NYAP2: variants seen among roughly 807,000 people sequenced by gnomAD.
The protein encoded by NYAP2 is neuronal tyrosine-phosphorylated phosphoinositide-3-kinase adaptor 2, also known as neuronal tyrosine-phosphorylated phosphoinositide-3-kinase adapter 2.
A neutral mutation model predicts 50.4 loss-of-function variants in NYAP2; 23 were observed. The ratio of observed to expected loss-of-function variants is 0.46; its 90% CI spans 0.33 to 0.65. The LOEUF is 0.65. Among genes scored for constraint, NYAP2 ranks in the 30% least tolerant of loss-of-function variants. The pLI is 0.02. For synonymous variants in NYAP2, 394 were observed against 365.2 expected, an observed-to-expected ratio of 1.08 and a Z score of -0.90; for missense variants, 885 against 861.0, an observed-to-expected ratio of 1.03 and a Z score of -0.35.
rs1491013702 is a variant in NYAP2 at position 225,506,060 on chromosome 2, A to AG, written c.222-7311_222-7310insG. On this transcript the variant is annotated intron_variant, in intron 3 of 6. Transcript: ENST00000636099. ...AGCAATATGGTGGACTGAGAGAGAG[A>AG]AAAAAAAAAGATTCCCTACAGGAAT... is the stretch of plus-strand genomic sequence containing the variant. 4.1e-5 allele frequency among the ~76,000 whole-genome samples: 6 copies of AG among 145,714 alleles called. 1 individual carries two copies. In the South Asian group the frequency reaches 8.4e-4, roughly 20 times the overall value.
intron 5 of NYAP2, among the ~76,000 whole-genome samples, chr2:225,617,950 A>G (rs1480995943): frequency 6.6e-6 from 1 of 152,228 alleles, no homozygotes; most frequent in Non-Finnish European, 1.5e-5. Context: ...GATACTGAGT[A>G]CCAATGTGAA....
intron 5 of NYAP2, among the ~76,000 whole-genome samples, chr2:225,610,354 C>G (rs1692859968): frequency 6.6e-6 from 1 of 152,064 alleles, no homozygotes; most frequent in Non-Finnish European, 1.5e-5. Flanking sequence ...TACCTCGGTT[C>G]TCTCTTCTGG....
At chr2:225,564,462 C>T (rs1691927736) in intron 4 of NYAP2, among the ~76,000 whole-genome samples, 1 of 151,844 alleles carries the variant, frequency 6.6e-6, no homozygotes, top group Non-Finnish European at 1.5e-5. Flanking sequence ...GATCAAGCTA[C>T]TCTGTCCTAG....
At chr2:225,654,165 A>G (rs1032284697), downstream of NYAP2, 7 of 152,252 alleles carry the variant, frequency 4.6e-5, no homozygotes, top group African/African-American at 1.7e-4. Context: ...CATGCAAGAC[A>G]ATGGTGGAAA....
chr2:225,493,554 G>A (rs1471531483), intron 3 of NYAP2, among the ~76,000 whole-genome samples: 2 of 152,104 alleles, frequency 1.3e-5, no homozygotes, highest in Non-Finnish European at 2.9e-5. Flanking sequence ...AGATTTACAA[G>A]GTAACTCAGT....
chr2:225,576,543 T>C (rs1692172789), intron 4 of NYAP2, among the ~76,000 whole-genome samples: 1 of 152,204 alleles, frequency 6.6e-6, no homozygotes, highest in African/African-American at 2.4e-5. Context: ...AAGTGGGAAA[T>C]GTGTCTCTCA....
the NYAP2 span, among the ~76,000 whole-genome samples, chr2:225,660,322 A>G: frequency 1.3e-5 from 2 of 152,154 alleles, no homozygotes; most frequent in African/African-American, 2.4e-5. Flanking sequence ...CCTGCCCCCA[A>G]TACTACTTAC....
Position 225,638,150 on chromosome 2 carries a change from GTGTGTT to G in NYAP2, c.1828+11030_1828+11035del, listed in dbSNP as rs1312467393. Among the ~76,000 whole-genome samples, 1,071 of 108,222 alleles carry G rather than the reference GTGTGTT, an allele frequency of 9.9e-3. 24 individuals are homozygous for G. The highest frequency in any genetic ancestry group is 0.044 in the African/African-American group (1,028 of 23,228). The allele number at this position is 108,222 out of a possible 152,430, so 71.0% of individuals were successfully genotyped here. A position where few individuals can be genotyped will look rare whatever the true frequency, so the allele number is the denominator to read the frequency against. ...ATTAGAGAGAATTTTAAACAGACTCGTGTGTTTGTGTGTGTGTGTGTGTGTGTGTGT... is the reference window on the plus strand; with the variant it reads ...ATTAGAGAGAATTTTAAACAGACTCGTGTGTGTGTGTGTGTGTGTGTGTGT... On this transcript the variant is annotated intron_variant, in intron 6 of 6. Transcript: ENST00000636099.
At chr2:225,486,371 GA>G (rs1690298856) in intron 3 of NYAP2, among the ~76,000 whole-genome samples, 1 of 152,186 alleles carries the variant, frequency 6.6e-6, no homozygotes, top group African/African-American at 2.4e-5. Flanking sequence ...GAGCTGAAAA[GA>G]AAACTGCCAG....
Position 225,637,009 on chromosome 2 carries a change from G to A in NYAP2, c.1828+9883G>A, listed in dbSNP as rs559150572. ...TTAAGACACTGAGTTTGGGTGTGGC[G>A]TGACACAGATACCATGATCTGTTTG... On this transcript the variant is annotated intron_variant, in intron 6 of 6. Transcript: ENST00000636099. Among the ~76,000 whole-genome samples, 366 of 152,248 alleles carry A rather than the reference G, an allele frequency of 2.4e-3. 2 individuals are homozygous for A. The highest frequency in any genetic ancestry group is 8.2e-3 in the African/African-American group (339 of 41,548).
chr2:225,405,250 C>A (rs1694920180), intron 2 of NYAP2, among the ~76,000 whole-genome samples: 1 of 151,992 alleles, frequency 6.6e-6, no homozygotes, highest in Admixed American at 6.6e-5. Context: ...CCTCATGCAC[C>A]AGTTAATGGT....
chr2:225,600,011 G>A (rs1692668322), intron 5 of NYAP2, among the ~76,000 whole-genome samples: 1 of 152,094 alleles, frequency 6.6e-6, no homozygotes, highest in Non-Finnish European at 1.5e-5. Context: ...ATCAAGACAG[G>A]GGAATTGCAA....
the NYAP2 span, chr2:225,703,412 T>C: frequency 6.6e-6 from 1 of 151,784 alleles, no homozygotes; most frequent in East Asian, 1.9e-4. Flanking sequence ...TCTACTCATG[T>C]GTTATTAGCC....
Position 225,541,120 on chromosome 2 carries a change from C to T in NYAP2, c.523+27448C>T, listed in dbSNP as rs11893237. Among the ~76,000 whole-genome samples the T allele has an allele frequency of 9.4e-3, 1,434 of 152,206 alleles. 17 individuals are homozygous for T. The highest frequency in any genetic ancestry group is 0.032 in the African/African-American group (1,319 of 41,552). The stretch of plus-strand genomic sequence containing the variant: ...ATAAATATCTGTTCAGATAGTTGCC[C>T]ATTTTTAAGTCAGGTTATTATATTT... On this transcript the variant is annotated intron_variant, in intron 4 of 6. Transcript: ENST00000636099.
chr2:225,403,539 G>C (rs1179923923), intron 2 of NYAP2, among the ~76,000 whole-genome samples: 1 of 151,822 alleles, frequency 6.6e-6, no homozygotes, highest in Non-Finnish European at 1.5e-5. Flanking sequence ...TTCTCATAGA[G>C]CTTCAGGTAT....
rs1375455115 is a variant in NYAP2, at chr2:225,513,708, CT to C, written c.523+39del. 14 of 1,471,600 alleles carry C rather than the reference CT, an allele frequency of 9.5e-6. No homozygotes were observed. The African/African-American group carries it at 1.9e-4, about 20-fold the overall frequency. The allele number at this position is 1,471,600 out of a possible 1,614,324, so 91.2% of individuals were successfully genotyped here. On this transcript the variant is annotated intron_variant, in intron 4 of 6. Transcript: ENST00000636099. ...CCATGTCCATGTCACCTAGAAATCTCTTTCAGATAGTATGTTCAGGTCAGCA... is the reference window on the plus strand; with the variant it reads ...CCATGTCCATGTCACCTAGAAATCTCTTCAGATAGTATGTTCAGGTCAGCA...
intron 6 of NYAP2, among the ~76,000 whole-genome samples, chr2:225,634,418 G>A (rs1167171383): frequency 6.6e-6 from 1 of 152,138 alleles, no homozygotes; most frequent in South Asian, 2.1e-4. Flanking sequence ...CTGCAGAACG[G>A]TTCTGGGACT....
chr2:225,406,769 A>G (rs977188463), intron 2 of NYAP2, among the ~76,000 whole-genome samples: 1 of 152,014 alleles, frequency 6.6e-6, no homozygotes. Context: ...ATTAGTTAAT[A>G]ATTTCTCAGA....
intron 5 of NYAP2, among the ~76,000 whole-genome samples, chr2:225,586,069 G>A (rs183609870): frequency 6.6e-6 from 1 of 152,154 alleles, no homozygotes; most frequent in African/African-American, 2.4e-5. Context: ...CCAAGCCTCT[G>A]TTGGTTTAGT....
Sources: allele counts gnomAD v4.1 joint callset (sites outside exome capture counted in the v4.1 genomes callset), GRCh38; gene constraint gnomAD v4.1.1; transcripts MANE v1.5; gene names NCBI Gene and HGNC (gene_info 2026-07-23, HGNC 2026-07-21).